Variants in LOXL4 observed in about 807,000 individuals in gnomAD.
LOXL4 encodes the protein lysyl oxidase homolog 4.
LOXL4 carries 72 observed loss-of-function variants against 89.1 expected under a neutral mutation model. That is an observed-to-expected ratio of 0.81 (90% CI 0.67 to 0.98). LOXL4 has a LOEUF of 0.98. LOXL4 is among the 50% of genes least tolerant of loss of function. The pLI, the probability that LOXL4 is intolerant of heterozygous loss-of-function variation, is 0.00. For synonymous variants in LOXL4, 355 were observed against 392.1 expected (o/e 0.91, Z 1.12); for missense variants, 984 against 1,017.5 (o/e 0.97, Z 0.45).
At chr10:98,258,461 A>G (rs1220835325) in intron 6 of LOXL4, among the ~76,000 whole-genome samples, 1 of 151,590 alleles carries the variant, frequency 6.6e-6, no homozygotes, top group Non-Finnish European at 1.5e-5. Flanking sequence ...GTGTGGCACT[A>G]AGGTGTCTGT....
chr10:98,251,812 CG>C (rs1191304585), intron 12 of LOXL4, 110 bp from the exon 13 acceptor site: 1 of 1,323,398 alleles, frequency 7.6e-7, no homozygotes, highest in Non-Finnish European at 1.0e-6. Flanking sequence ...GATTAAGGAC[CG>C]TCAGAGCTAG....
chr10:98,254,724 C>T (rs1457498790), intron 10 of LOXL4, among the ~76,000 whole-genome samples: 2 of 152,208 alleles, frequency 1.3e-5, no homozygotes, highest in East Asian at 3.9e-4. Context: ...TTCGAGGTTC[C>T]CAGGAAGGGG....
rs1052844150 is a variant in LOXL4, at chr10:98,251,705, G to C, written c.1952-3C>G. The C allele has an allele frequency of 6.2e-6, 10 of 1,614,080 alleles. No individual in the cohort carries two copies. The highest frequency in any genetic ancestry group is 6.8e-6 in the Non-Finnish European group (8 of 1,180,018). On this transcript the variant is annotated splice_polypyrimidine_tract_variant and splice_region_variant and intron_variant, in intron 12 of 14. Transcript: ENST00000260702. ...ACATGCGTAGCGCCGCTGCAGTCCT[G>C]TAAGGAAGGGGACAGACAGGTTTTG...
chr10:98,261,965 G>T, intron 3 of LOXL4, 70 bp downstream of exon 3: 1 of 1,465,762 alleles, frequency 6.8e-7, no homozygotes, highest in Non-Finnish European at 9.1e-7. Context: ...CTCTAGGCCC[G>T]TCTTCTGGGA....
intron 9 of LOXL4, 119 bp downstream of exon 9, chr10:98,256,661 G>T: frequency 8.7e-7 from 1 of 1,152,524 alleles, no homozygotes; most frequent in Non-Finnish European, 1.3e-6. Flanking sequence ...TCGGCTCATA[G>T]TTTCACTCAG....
Position 98,248,843 on chromosome 10 carries a change from G to A in LOXL4, c.*78C>T. 2 of 1,342,982 alleles carry A rather than the reference G, an allele frequency of 1.5e-6. No homozygotes were observed. Among genetic ancestry groups the A allele is most frequent in the Non-Finnish European group, 2.1e-6 (2 of 950,738 alleles). The allele number at this position is 1,342,982 out of a possible 1,614,324, so 83.2% of individuals were successfully genotyped here. On this transcript the variant is annotated 3_prime_UTR_variant, in exon 15 of 15. Coordinates refer to ENST00000260702, the MANE Select transcript of LOXL4 (RefSeq NM_032211.7). ...CACTGGCCCTTTTCCTCTGAGTTGG[G>A]ACTCTGTGAAGGGCATGGCTCCAAT... is the stretch of plus-strand genomic sequence containing the variant.
rs146429030 is a variant in LOXL4, at chr10:98,266,468, G to T, written c.-33+1664C>A. On this transcript the variant is annotated intron_variant, in intron 1 of 14. Transcript: ENST00000260702. ...ACACACTGAGGAGGTCTTGTTACAG[G>T]CTGTGGACAGTCCCAGGCCAGCAGC... Among the ~76,000 whole-genome samples the T allele has an allele frequency of 3.8e-3, 585 of 152,248 alleles. 5 individuals are homozygous for T. The highest frequency in any genetic ancestry group is 0.013 in the African/African-American group (529 of 41,532).
chr10:98,249,230 C>G lies in LOXL4; in HGVS notation c.2201-239G>C, dbSNP rs180870118. Among the ~76,000 whole-genome samples, 212 of 152,336 alleles carry G rather than the reference C, an allele frequency of 1.4e-3. 2 individuals carry two copies. Among genetic ancestry groups the G allele is most frequent in the Middle Eastern group, 3.4e-3 (1 of 294 alleles). Reference sequence around the variant, plus strand: ...AGTTATTCTCCTTTGCCCCCCTCCCCAGGTTCATTCTCTGCCCTTTTTTCC... The same window carrying G: ...AGTTATTCTCCTTTGCCCCCCTCCCGAGGTTCATTCTCTGCCCTTTTTTCC... On this transcript the variant is annotated intron_variant, in intron 14 of 14. Transcript: ENST00000260702.
intron 10 of LOXL4, among the ~76,000 whole-genome samples, chr10:98,255,144 C>A (rs989106601): frequency 9.2e-5 from 14 of 151,968 alleles, no homozygotes; most frequent in Admixed American, 3.3e-4. Context: ...GGCCTTGGCC[C>A]CGGGTGTGCT....
Position 98,258,208 on chromosome 10 carries a change from C to T in LOXL4, c.922-44G>A, listed in dbSNP as rs771385181. ...TTCAGGGACGGCTGAGGAGGAGGCACCAGCAGGGGCTGAGCCCCCACAGCG... is the reference window on the plus strand; with the variant it reads ...TTCAGGGACGGCTGAGGAGGAGGCATCAGCAGGGGCTGAGCCCCCACAGCG... On this transcript the variant is annotated intron_variant, in intron 6 of 14. Coordinates refer to ENST00000260702, the MANE Select transcript of LOXL4 (RefSeq NM_032211.7). 18 of 1,559,976 alleles carry T rather than the reference C, an allele frequency of 1.2e-5. No individual in the cohort carries two copies. In the African/African-American group the frequency reaches 1.6e-4, roughly 14 times the overall value.
At chr10:98,260,228 C>T (rs1858499396) in intron 4 of LOXL4, among the ~76,000 whole-genome samples, 1 of 152,188 alleles carries the variant, frequency 6.6e-6, no homozygotes, top group Non-Finnish European at 1.5e-5. Context: ...ACACACAACC[C>T]AGTCACAGCC....
Position 98,252,354 on chromosome 10 carries a change from TG to T in LOXL4, c.1949del (p.Thr650LysfsTer17). ...SFCLEDTNCP[T>X]GLQRRYACAN... Reference sequence around the variant, plus strand: ...AGGTGCTGACAGGAAACCACATACCTGTGGGGCAGTTTGTGTCCTCCAGACA... The same window carrying T: ...AGGTGCTGACAGGAAACCACATACCTTGGGGCAGTTTGTGTCCTCCAGACA... On this transcript the variant is annotated frameshift_variant and splice_region_variant, in exon 12 of 15. Coordinates refer to ENST00000260702, the MANE Select transcript of LOXL4 (RefSeq NM_032211.7). LOFTEE classifies it high-confidence loss of function. 6.2e-7 allele frequency: 1 copy of T among 1,608,970 alleles called. No individual in the cohort carries two copies. The highest frequency in any genetic ancestry group is 8.5e-7 in the Non-Finnish European group (1 of 1,175,358).
chr10:98,250,779 CAGG>C (rs1858168200), intron 14 of LOXL4, among the ~76,000 whole-genome samples: 1 of 152,152 alleles, frequency 6.6e-6, no homozygotes, highest in Non-Finnish European at 1.5e-5. Flanking sequence ...CTTGAGGTGA[CAGG>C]AAAGATTCTA....
Position 98,262,891 on chromosome 10 carries a change from C to T in LOXL4, c.129G>A (p.Glu43=), listed in dbSNP as rs989823030. The T allele has an allele frequency of 5.6e-6, 9 of 1,613,686 alleles. No individual in the cohort carries two copies. Among genetic ancestry groups the T allele is most frequent in the Admixed American group, 1.7e-5 (1 of 60,026 alleles). Residue 43 remains glutamate (E), a synonymous_variant, in exon 2 of 15, where the codon GAG becomes GAA. Coordinates refer to ENST00000260702, the MANE Select transcript of LOXL4 (RefSeq NM_032211.7). ...CCTGGTGCAGCACCTCCAGGCGGCCCTCCTCTGGCTTGCTCTCTGGGCCCA... is the reference window on the plus strand; with the variant it reads ...CCTGGTGCAGCACCTCCAGGCGGCCTTCCTCTGGCTTGCTCTCTGGGCCCA... ...RLVGPESKPE[E]GRLEVLHQGQ...
intron 1 of LOXL4, among the ~76,000 whole-genome samples, chr10:98,267,898 G>T (rs552414454): frequency 6.6e-6 from 1 of 152,176 alleles, no homozygotes; most frequent in African/African-American, 2.4e-5. Flanking sequence ...AGGCCTGGGC[G>T]CACCACTCAG....
chr10:98,263,103 A>G (rs1858595585), intron 1 of LOXL4, 52 bp from the exon 2 acceptor site: 2 of 1,485,370 alleles, frequency 1.3e-6, no homozygotes, highest in Non-Finnish European at 1.8e-6. Flanking sequence ...CAGATCTCAG[A>G]CCTCTGCAGC....
At chr10:98,253,446 A>G in intron 11 of LOXL4, 107 bp downstream of exon 11, 3 of 1,500,840 alleles carry the variant, frequency 2.0e-6, no homozygotes, top group Admixed American at 1.7e-5. Context: ...GAGAGCGCAC[A>G]CCCCTCCCAG....
chr10:98,252,280 A>G, intron 12 of LOXL4, 73 bp downstream of exon 12: 2 of 1,193,024 alleles, frequency 1.7e-6, no homozygotes, highest in South Asian at 2.6e-5. Context: ...GGCAGAGAGA[A>G]AGCCTGATCC....
Position 98,256,784 on chromosome 10 carries a change from T to G in LOXL4, c.1424A>C (p.Tyr475Ser). 6.2e-7 allele frequency: 1 copy of G among 1,614,120 alleles called. No individual in the cohort carries two copies. Among genetic ancestry groups the G allele is most frequent in the South Asian group, 1.1e-5 (1 of 91,086 alleles). The change falls in exon 9 of 15, where the codon TAC becomes TCC. Residue 475 changes from tyrosine (Y) to serine (S), a missense_variant. Physicochemically the swap from Tyr to Ser is moderately radical, Grantham distance 144. Transcript: ENST00000260702. Reference sequence around the variant, plus strand: ...AGAAACAACAGAGGGACCTACCTTGTAGGCATGGATGGCAAAACCCAGGCC... The same window carrying G: ...AGAAACAACAGAGGGACCTACCTTGGAGGCATGGATGGCAAAACCCAGGCC... ...QLGLGFAIHA[Y>S]KETWFWSGTP...
Sources: allele counts gnomAD v4.1 joint callset (sites outside exome capture counted in the v4.1 genomes callset), GRCh38; gene constraint gnomAD v4.1.1; transcripts MANE v1.5; gene names NCBI Gene and HGNC (gene_info 2026-07-23, HGNC 2026-07-21).